Variants in DISC1 observed in about 807,000 individuals in gnomAD.
DISC1 encodes DISC1 scaffold protein, also known as disrupted in schizophrenia 1 protein.
A neutral mutation model predicts 84.5 loss-of-function variants in DISC1; 57 were observed. The ratio of observed to expected loss-of-function variants is 0.67; its 90% CI spans 0.55 to 0.84. The LOEUF is 0.84. DISC1 is among the 40% of genes least tolerant of loss of function. DISC1 has a pLI of 0.00. For synonymous variants in DISC1, 411 were observed against 415.2 expected (o/e 0.99, Z 0.12); for missense variants, 1,000 against 1,057.8 (o/e 0.95, Z 0.76).
At chr1:231,834,014 A>G (rs2082434377) in intron 9 of DISC1, among the ~76,000 whole-genome samples, 1 of 152,182 alleles carries the variant, frequency 6.6e-6, no homozygotes, top group African/African-American at 2.4e-5. Context: ...GGTTGCTGCC[A>G]AACGAGCCAT....
At chr1:231,709,539 C>T (rs1558391345) in intron 3 of DISC1, among the ~76,000 whole-genome samples, 3 of 152,050 alleles carry the variant, frequency 2.0e-5, no homozygotes, top group Admixed American at 2.0e-4. Flanking sequence ...TGCTGCTTTG[C>T]CTTCCCTGCC....
At chr1:231,865,758 C>T (rs1305615299) in intron 9 of DISC1, among the ~76,000 whole-genome samples, 1 of 152,178 alleles carries the variant, frequency 6.6e-6, no homozygotes, top group East Asian at 1.9e-4. Context: ...AGAAACAGTA[C>T]ATGAGAGAAG....
chr1:231,786,140 A>T (rs1438575261), intron 6 of DISC1, among the ~76,000 whole-genome samples: 1 of 152,194 alleles, frequency 6.6e-6, no homozygotes, highest in Non-Finnish European at 1.5e-5. Context: ...CTGGCACTTT[A>T]TAAAACCTTT....
chr1:231,950,760 C>T (rs910170289), intron 9 of DISC1, among the ~76,000 whole-genome samples: 1 of 152,148 alleles, frequency 6.6e-6, no homozygotes, highest in Non-Finnish European at 1.5e-5. Context: ...AAATCGGTAC[C>T]TGGGCTTTAT....
chr1:231,989,432 A>G (rs2094686), intron 10 of DISC1, among the ~76,000 whole-genome samples: 1 of 152,230 alleles, frequency 6.6e-6, no homozygotes, highest in South Asian at 2.1e-4. Flanking sequence ...TTTGCTTATC[A>G]TAGGCATGCC....
intron 1 of DISC1, among the ~76,000 whole-genome samples, chr1:231,692,420 G>C (rs1439643167): frequency 5.9e-5 from 9 of 152,206 alleles, no homozygotes; most frequent in Admixed American, 5.9e-4. Context: ...GGAAATAGGG[G>C]GCTAGAGGTC....
At chr1:232,033,557 C>T (rs1393043030) in intron 12 of DISC1, among the ~76,000 whole-genome samples, 3 of 152,200 alleles carry the variant, frequency 2.0e-5, no homozygotes, top group Non-Finnish European at 4.4e-5. Context: ...CAACATGGCG[C>T]CTGTTTACTT....
rs570993566 is a variant in DISC1, at chr1:231,818,442, G to A, written c.1906G>A (p.Val636Ile). The A allele has an allele frequency of 2.1e-5, 34 of 1,614,118 alleles. No individual in the cohort carries two copies. Among genetic ancestry groups the A allele is most frequent in the Admixed American group, 5.0e-5 (3 of 60,008 alleles). ...SKLLVLSSRNVKKLGSVKEDY... is the reference protein window; with the variant it reads ...SKLLVLSSRNIKKLGSVKEDY... ...GCTGTTGGTGTTGAGTTCCAGGAAT[G>A]TCAAAAAGCTGGGAAGTGTTAAAGA... The change falls in exon 9 of 13, where the codon GTC (valine) becomes ATC (isoleucine). Residue 636 changes from valine (V) to isoleucine (I), a missense_variant. By Grantham distance (29) the Val-to-Ile change is conservative. Around this residue, in one of 3 missense-constraint regions of DISC1, gnomAD observed 397 missense variants for 377.5 expected, o/e 1.05. Coordinates refer to ENST00000439617, the MANE Select transcript of DISC1 (RefSeq NM_018662.3).
intron 9 of DISC1, among the ~76,000 whole-genome samples, chr1:231,819,943 A>T (rs1024945755): frequency 2.6e-5 from 4 of 152,156 alleles, no homozygotes; most frequent in East Asian, 3.8e-4. Flanking sequence ...ATCTCTTTTT[A>T]AAAAAAGAAC....
chr1:231,987,077 C>A (rs1041479837), intron 10 of DISC1, among the ~76,000 whole-genome samples: 1 of 152,314 alleles, frequency 6.6e-6, no homozygotes, highest in Non-Finnish European at 1.5e-5. Context: ...ATCGTTCTCC[C>A]TACGTCAACT....
chr1:231,975,635 G>T (rs1662681460), intron 10 of DISC1, among the ~76,000 whole-genome samples: 1 of 152,124 alleles, frequency 6.6e-6, no homozygotes, highest in African/African-American at 2.4e-5. Flanking sequence ...AAATACAAAT[G>T]CATAAAAAGA....
At chr1:231,904,185 G>A (rs1002937127) in intron 9 of DISC1, among the ~76,000 whole-genome samples, 15 of 152,192 alleles carry the variant, frequency 9.9e-5, no homozygotes, top group African/African-American at 3.1e-4. Flanking sequence ...TCCTGTGGGT[G>A]CAGGTTTGGC....
chr1:231,942,897 G>A (rs2091432078), intron 9 of DISC1, among the ~76,000 whole-genome samples: 1 of 152,196 alleles, frequency 6.6e-6, no homozygotes. Flanking sequence ...GTTTGTGGGA[G>A]ATCAAGGATT....
intron 9 of DISC1, among the ~76,000 whole-genome samples, chr1:231,863,758 G>C (rs2084848562): frequency 6.6e-6 from 1 of 152,168 alleles, no homozygotes; most frequent in African/African-American, 2.4e-5. Flanking sequence ...ATGAGTCCCT[G>C]GTTTCTCATC....
chr1:231,805,844 A>G (rs2079666271), intron 8 of DISC1, among the ~76,000 whole-genome samples: 1 of 152,218 alleles, frequency 6.6e-6, no homozygotes, highest in East Asian at 1.9e-4. Context: ...ATACTGACGT[A>G]GAGGAAGAAA....
At chr1:231,720,919 C>T (rs373989593) in intron 3 of DISC1, 122 of 1,290,774 alleles carry the variant, frequency 9.5e-5, no homozygotes, top group Non-Finnish European at 1.2e-4. Flanking sequence ...GCATTAATAA[C>T]CACAGGTAAT....
intron 9 of DISC1, among the ~76,000 whole-genome samples, chr1:231,945,965 AT>A (rs1657106541): frequency 6.6e-6 from 1 of 152,200 alleles, no homozygotes; most frequent in African/African-American, 2.4e-5. Context: ...TGAGGCAGCA[AT>A]TAATAGCCTA....
intron 1 of DISC1, among the ~76,000 whole-genome samples, chr1:231,667,427 G>C (rs1344700083): frequency 6.6e-6 from 1 of 152,160 alleles, no homozygotes; most frequent in African/African-American, 2.4e-5. Context: ...TCTTTCCTAT[G>C]ATGTGTTGTC....
intron 11 of DISC1, among the ~76,000 whole-genome samples, chr1:232,025,415 A>G (rs1184955517): frequency 1.3e-5 from 2 of 152,158 alleles, no homozygotes; most frequent in African/African-American, 4.8e-5. Context: ...CAGGAAAGTG[A>G]CATAAAGAAG....
Sources: gnomAD v4.1 joint callset for allele counts (sites outside exome capture counted in the v4.1 genomes callset) on GRCh38, gnomAD v4.1.1 for gene constraint, gnomAD v4.1.1 regional missense constraint, MANE v1.5 for transcripts, NCBI Gene and HGNC (gene_info 2026-07-23, HGNC 2026-07-21) for gene names.